BMPR1B: variants seen among roughly 807,000 people sequenced by gnomAD.
BMPR1B encodes the protein bone morphogenetic protein receptor type 1B.
Under a neutral mutation model 59.1 loss-of-function variants are expected in BMPR1B, and 12 were observed. That is an observed-to-expected ratio of 0.20 (90% CI 0.13 to 0.33). The LOEUF (loss-of-function observed/expected upper bound fraction) is 0.33. Among genes scored for constraint, BMPR1B ranks in the 10% least tolerant of loss-of-function variants. BMPR1B has a pLI of 1.00. For synonymous variants in BMPR1B, 237 were observed against 207.3 expected, an observed-to-expected ratio of 1.14 and a Z score of -1.23; for missense variants, 550 against 610.9, an observed-to-expected ratio of 0.90 and a Z score of 1.05.
chr4:94,951,914 A>G (rs1391705694), intron 2 of BMPR1B, among the ~76,000 whole-genome samples: 3 of 152,028 alleles, frequency 2.0e-5, no homozygotes, highest in Non-Finnish European at 4.4e-5. Context: ...GTAGGGTATT[A>G]ATTACTACCA....
At chr4:95,089,362 A>G (rs987449695) in intron 3 of BMPR1B, among the ~76,000 whole-genome samples, 1 of 152,086 alleles carries the variant, frequency 6.6e-6, no homozygotes, top group Non-Finnish European at 1.5e-5. Flanking sequence ...CCATATTGAC[A>G]GTTATTTAAA....
At chr4:94,799,887 C>T (rs1156876228) in intron 1 of BMPR1B, among the ~76,000 whole-genome samples, 1 of 151,928 alleles carries the variant, frequency 6.6e-6, no homozygotes, top group Non-Finnish European at 1.5e-5. Flanking sequence ...GATGGAGTTT[C>T]ACCATGTTGG....
chr4:94,970,460 C>A (rs1160788811), intron 2 of BMPR1B, among the ~76,000 whole-genome samples: 2 of 151,842 alleles, frequency 1.3e-5, no homozygotes, highest in East Asian at 1.9e-4. Context: ...GGACTACAGG[C>A]GCGCCACCAT....
chr4:95,016,400 A>G (rs1007461552), intron 3 of BMPR1B, among the ~76,000 whole-genome samples: 2 of 152,264 alleles, frequency 1.3e-5, no homozygotes, highest in Non-Finnish European at 2.9e-5. Context: ...CATTCAAAGT[A>G]GAAGATAATA....
chr4:95,015,531 G>C lies in BMPR1B; in HGVS notation c.-18+19397G>C, dbSNP rs142439606. ...CTCCCAAGTAGCTGTGACTACAGGT[G>C]CACACCACCACACCAGACTCATTTT... On this transcript the variant is annotated intron_variant, in intron 3 of 12. Coordinates refer to ENST00000515059, the MANE Select transcript of BMPR1B (RefSeq NM_001203.3). Among the ~76,000 whole-genome samples, 4 of 152,156 alleles carry C rather than the reference G, an allele frequency of 2.6e-5. No individual in the cohort carries two copies. The East Asian group carries it at 7.7e-4, about 29-fold the overall frequency.
chr4:95,063,380 T>G (rs1370460655), intron 3 of BMPR1B, among the ~76,000 whole-genome samples: 1 of 152,128 alleles, frequency 6.6e-6, no homozygotes, highest in Non-Finnish European at 1.5e-5. Context: ...GTTTTACAGT[T>G]TTTTTAGCTA....
At chr4:94,892,590 T>C (rs567794690) in intron 2 of BMPR1B, among the ~76,000 whole-genome samples, 2 of 152,190 alleles carry the variant, frequency 1.3e-5, no homozygotes, top group Admixed American at 1.3e-4. Context: ...AAATAAATTC[T>C]ATAACCCAGT....
chr4:94,867,915 A>G (rs1043020086), intron 1 of BMPR1B, among the ~76,000 whole-genome samples: 1 of 151,998 alleles, frequency 6.6e-6, no homozygotes, highest in Non-Finnish European at 1.5e-5. Context: ...GCAGTGGTGC[A>G]GTCACAATTC....
At chr4:95,035,970 G>A (rs1725212968) in intron 3 of BMPR1B, among the ~76,000 whole-genome samples, 2 of 151,830 alleles carry the variant, frequency 1.3e-5, no homozygotes, top group Admixed American at 1.3e-4. Context: ...AGAGTTTTGT[G>A]GTTTTCCTTG....
chr4:95,150,019 A>G (rs1734928450), intron 11 of BMPR1B, among the ~76,000 whole-genome samples: 1 of 152,220 alleles, frequency 6.6e-6, no homozygotes, highest in Non-Finnish European at 1.5e-5. Context: ...GTAGAGCCAT[A>G]ACATCTTTAG....
At chr4:95,017,361 C>G (rs184451516) in intron 3 of BMPR1B, among the ~76,000 whole-genome samples, 1 of 152,318 alleles carries the variant, frequency 6.6e-6, no homozygotes, top group East Asian at 1.9e-4. Flanking sequence ...TAGCCACTAC[C>G]CTGTTCTCTC....
intron 1 of BMPR1B, among the ~76,000 whole-genome samples, chr4:94,791,731 A>G (rs72669047): frequency 0.094 from 14,370 of 152,216 alleles, 868 homozygotes; most frequent in African/African-American, 0.18. Context: ...AAAACTAACC[A>G]AAATCGACCA....
intron 3 of BMPR1B, among the ~76,000 whole-genome samples, chr4:95,000,190 T>G (rs1446080456): frequency 1.3e-5 from 2 of 152,164 alleles, no homozygotes; most frequent in African/African-American, 4.8e-5. Context: ...TATTTAAACC[T>G]TATAAACATC....
intron 3 of BMPR1B, among the ~76,000 whole-genome samples, chr4:95,027,210 T>C (rs1321323786): frequency 6.6e-6 from 1 of 152,196 alleles, no homozygotes; most frequent in Non-Finnish European, 1.5e-5. Flanking sequence ...AATGAAATAC[T>C]TGTTTCCAAA....
At chr4:94,816,459 C>T (rs1469961466) in intron 1 of BMPR1B, among the ~76,000 whole-genome samples, 4 of 152,140 alleles carry the variant, frequency 2.6e-5, no homozygotes, top group Non-Finnish European at 5.9e-5. Flanking sequence ...CCACTGCACC[C>T]GGCCTTATGC....
At chr4:94,810,821 A>G (rs1340204953) in intron 1 of BMPR1B, among the ~76,000 whole-genome samples, 1 of 152,210 alleles carries the variant, frequency 6.6e-6, no homozygotes, top group East Asian at 1.9e-4. Flanking sequence ...GGCACATATT[A>G]GAGAGTTAGT....
chr4:94,902,930 T>C (rs1436555239), intron 2 of BMPR1B, among the ~76,000 whole-genome samples: 2 of 152,032 alleles, frequency 1.3e-5, no homozygotes, highest in Admixed American at 6.6e-5. Flanking sequence ...AAGTATGCTC[T>C]GTTCACTAGA....
intron 3 of BMPR1B, among the ~76,000 whole-genome samples, chr4:95,071,632 T>TTGTGTG (rs71912877): frequency 8.5e-6 from 1 of 118,220 alleles, no homozygotes; most frequent in Non-Finnish European, 1.7e-5. Flanking sequence ...ATATGTGTGT[T>TTGTGTG]TGTGTGTGTG....
intron 2 of BMPR1B, among the ~76,000 whole-genome samples, chr4:94,960,499 G>A (rs960497117): frequency 2.6e-5 from 4 of 151,980 alleles, no homozygotes; most frequent in Admixed American, 2.0e-4. Flanking sequence ...AAAAATATTT[G>A]GCATTCTGAG....
Sources: allele counts gnomAD v4.1 joint callset (sites outside exome capture counted in the v4.1 genomes callset), GRCh38; gene constraint gnomAD v4.1.1; transcripts MANE v1.5; gene names NCBI Gene and HGNC (gene_info 2026-07-23, HGNC 2026-07-21).